CCSER1: variants seen among roughly 807,000 people sequenced by gnomAD.
CCSER1 encodes serine-rich coiled-coil domain-containing protein 1.
Under a neutral mutation model 82.0 loss-of-function variants are expected in CCSER1, and 41 were observed. The ratio of observed to expected loss-of-function variants is 0.50; its 90% CI spans 0.39 to 0.65. The LOEUF (loss-of-function observed/expected upper bound fraction) is 0.65, where lower values mean the gene tolerates loss of function less well. Ranked by LOEUF, CCSER1 falls within the 30% of genes least tolerant of loss-of-function variation. CCSER1 has a pLI of 0.00. For synonymous variants in CCSER1, 414 were observed against 383.9 expected (o/e 1.08, Z -0.92); for missense variants, 1,119 against 1,064.2 (o/e 1.05, Z -0.72).
intron 10 of CCSER1, among the ~76,000 whole-genome samples, chr4:91,295,933 T>G (rs2149227094): frequency 6.6e-6 from 1 of 152,054 alleles, no homozygotes; most frequent in African/African-American, 2.4e-5. Context: ...CAAAAAATCT[T>G]TAACCTAGGG....
intron 10 of CCSER1, among the ~76,000 whole-genome samples, chr4:91,195,772 G>A (rs1735356176): frequency 6.6e-6 from 1 of 152,050 alleles, no homozygotes; most frequent in Non-Finnish European, 1.5e-5. Flanking sequence ...ATCATTCTGC[G>A]TGGATTACTG....
chr4:90,138,250 G>C (rs1724063221), intron 1 of CCSER1, among the ~76,000 whole-genome samples: 1 of 151,992 alleles, frequency 6.6e-6, no homozygotes. Context: ...AGAGTGCAGT[G>C]GCACAGTCAT....
chr4:91,174,083 T>A (rs1232418839), intron 10 of CCSER1, among the ~76,000 whole-genome samples: 1 of 152,158 alleles, frequency 6.6e-6, no homozygotes, highest in East Asian at 1.9e-4. Flanking sequence ...ACTGAAGGGA[T>A]CTTGAAGCTT....
intron 10 of CCSER1, among the ~76,000 whole-genome samples, chr4:91,462,732 G>T (rs990107641): frequency 1.3e-5 from 2 of 152,166 alleles, no homozygotes; most frequent in Non-Finnish European, 2.9e-5. Context: ...GGCTCGGAGG[G>T]TCCCACACCC....
chr4:90,968,192 T>C (rs1734755011), intron 9 of CCSER1, among the ~76,000 whole-genome samples: 2 of 151,592 alleles, frequency 1.3e-5, no homozygotes, highest in South Asian at 4.2e-4. Flanking sequence ...TAAAATAATA[T>C]GTTAAAATAT....
chr4:90,325,084 A>C (rs1208396248), intron 3 of CCSER1, among the ~76,000 whole-genome samples: 1 of 152,132 alleles, frequency 6.6e-6, no homozygotes, highest in Non-Finnish European at 1.5e-5. Context: ...TGTTATTAAA[A>C]CCAGGTACTA....
intron 5 of CCSER1, among the ~76,000 whole-genome samples, chr4:90,483,309 G>C (rs959204073): frequency 6.6e-6 from 1 of 152,110 alleles, no homozygotes; most frequent in Non-Finnish European, 1.5e-5. Context: ...ACACTAATGG[G>C]TCTTGACTCT....
chr4:90,330,079 A>G (rs1016070077), intron 3 of CCSER1, among the ~76,000 whole-genome samples: 1 of 152,162 alleles, frequency 6.6e-6, no homozygotes. Flanking sequence ...TGAACGTAGT[A>G]TATTTAGTAG....
chr4:91,046,937 C>G (rs1561499883), intron 9 of CCSER1, among the ~76,000 whole-genome samples: 1 of 151,892 alleles, frequency 6.6e-6, no homozygotes, highest in African/African-American at 2.4e-5. Context: ...AAGATGGTCT[C>G]GATCTCCTGA....
intron 10 of CCSER1, among the ~76,000 whole-genome samples, chr4:91,173,404 C>G (rs557080145): frequency 5.3e-5 from 8 of 152,168 alleles, no homozygotes; most frequent in Admixed American, 4.6e-4. Context: ...ACCATCTTGG[C>G]TAACACGGTG....
rs575213651 is a variant in CCSER1, at chr4:90,942,891, G to T, written c.2172+19444G>T. On this transcript the variant is annotated intron_variant, in intron 9 of 10. Coordinates refer to ENST00000509176, the MANE Select transcript of CCSER1 (RefSeq NM_001145065.2). ...TTTAATTAAATATGTATGATATATA[G>T]AATTAAATATATATTATATATAAAA... 1.9e-4 allele frequency among the ~76,000 whole-genome samples: 28 copies of T among 146,156 alleles called. No individual in the cohort carries two copies. The South Asian group carries it at 5.3e-3, about 28-fold the overall frequency.
At chr4:90,738,021 G>A (rs1745940460) in intron 7 of CCSER1, among the ~76,000 whole-genome samples, 1 of 151,990 alleles carries the variant, frequency 6.6e-6, no homozygotes, top group Non-Finnish European at 1.5e-5. Context: ...ATTTCATTGA[G>A]TTTCCACAAA....
intron 10 of CCSER1, among the ~76,000 whole-genome samples, chr4:91,461,131 C>T (rs1053484818): frequency 1.3e-5 from 2 of 152,130 alleles, no homozygotes; most frequent in African/African-American, 4.8e-5. Flanking sequence ...GCTCATAGCC[C>T]AGGATCTCAA....
intron 10 of CCSER1, among the ~76,000 whole-genome samples, chr4:91,413,485 CA>C (rs1312874325): frequency 1.3e-5 from 2 of 149,236 alleles, no homozygotes; most frequent in African/African-American, 2.5e-5. Context: ...ATAGGCCAAT[CA>C]GAACAAGAAC....
chr4:91,392,189 G>A (rs1057133579), intron 10 of CCSER1, among the ~76,000 whole-genome samples: 4 of 151,978 alleles, frequency 2.6e-5, no homozygotes, highest in South Asian at 2.1e-4. Context: ...TTGACATCTC[G>A]TAAAAGATAT....
chr4:91,318,514 T>G (rs1186016307), intron 10 of CCSER1, among the ~76,000 whole-genome samples: 1 of 151,938 alleles, frequency 6.6e-6, no homozygotes, highest in Non-Finnish European at 1.5e-5. Flanking sequence ...AGAAAGAAAG[T>G]TTTTTATAGA....
intron 4 of CCSER1, among the ~76,000 whole-genome samples, chr4:90,419,580 G>A (rs1317988206): frequency 6.6e-6 from 1 of 151,614 alleles, no homozygotes; most frequent in East Asian, 1.9e-4. Flanking sequence ...TAATATACTT[G>A]GTTATATGTT....
chr4:90,504,989 C>A (rs1377564084), intron 5 of CCSER1, among the ~76,000 whole-genome samples: 2 of 152,090 alleles, frequency 1.3e-5, no homozygotes, highest in East Asian at 3.9e-4. Context: ...AGACACTAGG[C>A]CTAAAACAAC....
At chr4:90,811,476 G>T (rs915335877) in intron 7 of CCSER1, among the ~76,000 whole-genome samples, 1 of 152,184 alleles carries the variant, frequency 6.6e-6, no homozygotes, top group Non-Finnish European at 1.5e-5. Context: ...AATAAGGAAA[G>T]TGATAGAGAT....
Sources: gnomAD v4.1 joint callset for allele counts (sites outside exome capture counted in the v4.1 genomes callset) on GRCh38, gnomAD v4.1.1 for gene constraint, MANE v1.5 for transcripts, NCBI Gene and HGNC (gene_info 2026-07-23, HGNC 2026-07-21) for gene names.